Variants in MRPS5 observed in about 807,000 individuals in gnomAD.
The protein encoded by MRPS5 is mitochondrial ribosomal protein S5.
Under a neutral mutation model 51.9 loss-of-function variants are expected in MRPS5, and 27 were observed. That is an observed-to-expected ratio of 0.52 (90% CI 0.38 to 0.72). The LOEUF is 0.72. Among genes scored for constraint, MRPS5 ranks in the 30% least tolerant of loss-of-function variants. The probability of loss-of-function intolerance (pLI) is 0.00; values close to 1 mark genes in which losing one functional copy is unlikely to be tolerated. For missense variants in MRPS5, 570 were observed against 545.7 expected, an observed-to-expected ratio of 1.04 and a Z score of -0.44; for synonymous variants, 196 against 193.2, an observed-to-expected ratio of 1.01 and a Z score of -0.12.
In MRPS5 at chr2:95,121,775, C is replaced by T. The variant is rs915780533; in HGVS notation, c.17G>A (p.Arg6His). ...CAGCACGGGGAGGCAGCCCACAGCGCGCACCGCGGTCGCCATGCTGGAGTC... is the reference window on the plus strand; with the variant it reads ...CAGCACGGGGAGGCAGCCCACAGCGTGCACCGCGGTCGCCATGCTGGAGTC... MATAV[R>H]AVGCLPVLCS... Residue 6 changes from arginine (R) to histidine (H), a missense_variant, in exon 1 of 12, where the codon CGC becomes CAC. Transcript: ENST00000272418. The T allele has an allele frequency of 3.2e-6, 5 of 1,552,572 alleles. No individual in the cohort carries two copies. Among genetic ancestry groups the T allele is most frequent in the Non-Finnish European group, 3.5e-6 (4 of 1,158,588 alleles).
chr2:95,105,197 A>G (rs1675913582), intron 6 of MRPS5, among the ~76,000 whole-genome samples: 1 of 152,228 alleles, frequency 6.6e-6, no homozygotes, highest in African/African-American at 2.4e-5. Flanking sequence ...CCTCTACGCT[A>G]AGGATTAACA....
intron 1 of MRPS5, among the ~76,000 whole-genome samples, chr2:95,118,876 G>A (rs2104432819): frequency 6.6e-6 from 1 of 152,264 alleles, no homozygotes; most frequent in South Asian, 2.1e-4. Flanking sequence ...TTATAGGTAA[G>A]AGCTAAAACG....
rs115759609 is a variant in MRPS5 at position 95,087,662 on chromosome 2, C to T, written c.1069-81G>A. The T allele has an allele frequency of 1.3e-3, 1,530 of 1,206,464 alleles. 13 individuals carry two copies. The African/African-American group carries it at 0.019, about 15-fold the overall frequency. 74.7% of individuals were successfully genotyped at this position (1,206,464 alleles called of 1,614,324 possible). A position where few individuals can be genotyped will look rare whatever the true frequency, so the allele number is the denominator to read the frequency against. ...GAGCAGGAACTTCCACAGGCCACAACAGTACAGCCTGGGGGTATTCAAAGG... is the reference window on the plus strand; with the variant it reads ...GAGCAGGAACTTCCACAGGCCACAATAGTACAGCCTGGGGGTATTCAAAGG... On this transcript the variant is annotated intron_variant, in intron 11 of 11. Coordinates refer to ENST00000272418, the MANE Select transcript of MRPS5 (RefSeq NM_031902.5).
intron 7 of MRPS5, among the ~76,000 whole-genome samples, chr2:95,103,465 G>C (rs930683147): frequency 6.6e-6 from 1 of 152,236 alleles, no homozygotes; most frequent in Non-Finnish European, 1.5e-5. Context: ...GCAAGGGTGA[G>C]ATGGTGTAGA....
chr2:95,119,022 T>C (rs1209870291), intron 1 of MRPS5, among the ~76,000 whole-genome samples: 3 of 152,060 alleles, frequency 2.0e-5, no homozygotes, highest in Non-Finnish European at 2.9e-5. Flanking sequence ...AATTTAAAAC[T>C]TGTGGCTTCA....
chr2:95,120,478 G>C (rs1467317272), intron 1 of MRPS5, among the ~76,000 whole-genome samples: 1 of 152,184 alleles, frequency 6.6e-6, no homozygotes, highest in Non-Finnish European at 1.5e-5. Context: ...AAAGGTACAG[G>C]TTTTCTTTTT....
At chr2:95,120,154 C>T (rs1344926756) in intron 1 of MRPS5, among the ~76,000 whole-genome samples, 1 of 152,164 alleles carries the variant, frequency 6.6e-6, no homozygotes, top group African/African-American at 2.4e-5. Flanking sequence ...AAACATTGCA[C>T]ACAAATGTTT....
intron 11 of MRPS5, 127 bp from the exon 12 acceptor site, chr2:95,087,708 T>A: frequency 1.3e-6 from 1 of 776,502 alleles, no homozygotes; most frequent in Non-Finnish European, 2.1e-6. Flanking sequence ...GGATTTGGGT[T>A]AATGTGTTTT....
At chr2:95,094,814 T>G (rs1163747896) in intron 10 of MRPS5, among the ~76,000 whole-genome samples, 1 of 152,162 alleles carries the variant, frequency 6.6e-6, no homozygotes, top group Non-Finnish European at 1.5e-5. Context: ...AGGAAGAAAC[T>G]GCATCAACTA....
intron 4 of MRPS5, 146 bp downstream of exon 4, chr2:95,109,770 A>G (rs1375683015): frequency 1.0e-5 from 9 of 869,304 alleles, no homozygotes; most frequent in Non-Finnish European, 1.4e-5. Flanking sequence ...TGGGGCAATG[A>G]GTAAGTCAAC....
Position 95,086,957 on chromosome 2 carries a change from T to C in MRPS5, c.*400A>G, listed in dbSNP as rs1675308227. ...ACGGTTTGGAAGTTCCTCACGGTAG[T>C]CAAGTTACTTAACTGCTCTGTAAAA... is the stretch of plus-strand genomic sequence containing the variant. On this transcript the variant is annotated 3_prime_UTR_variant, in exon 12 of 12. Transcript: ENST00000272418. Among the ~76,000 whole-genome samples the C allele has an allele frequency of 9.9e-5, 15 of 152,206 alleles. No homozygotes were observed. The highest frequency in any genetic ancestry group is 9.8e-4 in the Admixed American group (15 of 15,288).
chr2:95,097,155 G>A (rs530571725), intron 10 of MRPS5, among the ~76,000 whole-genome samples: 4 of 152,178 alleles, frequency 2.6e-5, no homozygotes, highest in South Asian at 2.1e-4. Context: ...CCTCTTCAAG[G>A]AGAACTGCAA....
chr2:95,118,275 C>T (rs1676347373), intron 1 of MRPS5, among the ~76,000 whole-genome samples: 1 of 152,220 alleles, frequency 6.6e-6, no homozygotes, highest in South Asian at 2.1e-4. Context: ...GCAGGTTTCC[C>T]AATTTCAATC....
intron 3 of MRPS5, among the ~76,000 whole-genome samples, chr2:95,111,663 C>T (rs1478374331): frequency 1.3e-5 from 2 of 152,072 alleles, no homozygotes; most frequent in African/African-American, 4.8e-5. Context: ...TTTTAAAAAT[C>T]TGGAAAATAC....
Position 95,104,873 on chromosome 2 carries a change from A to G in MRPS5, c.673-143T>C. 7.6e-6 allele frequency: 5 copies of G among 654,080 alleles called. No individual in the cohort carries two copies. In the South Asian group the frequency reaches 9.4e-5, roughly 12 times the overall value. The allele number at this position is 654,080 out of a possible 1,614,324, so 40.5% of individuals were successfully genotyped here. ...ACACCATCCTCCAACTCCTGAGCAC[A>G]AGTAACAGCCTTTTTCCAAACAAAA... On this transcript the variant is annotated intron_variant, in intron 6 of 11. Transcript: ENST00000272418.
rs774864075 is a variant in MRPS5, at chr2:95,104,727, T to C, written c.676A>G (p.Arg226Gly). The part of the protein sequence containing the change: ...EDFDTRILEV[R>G]NVFTMTAKEG... ...TTCGCAGTCATAGTGAAAACGTTTCTTACCTAAAAGGCAAAATGTCTCATA... is the reference window on the plus strand; with the variant it reads ...TTCGCAGTCATAGTGAAAACGTTTCCTACCTAAAAGGCAAAATGTCTCATA... Residue 226 changes from arginine (R) to glycine (G), a missense_variant, in exon 7 of 12, where the codon AGA becomes GGA. By Grantham distance (125) the Arg-to-Gly change is moderately radical (BLOSUM62 -2). Coordinates refer to ENST00000272418, the MANE Select transcript of MRPS5 (RefSeq NM_031902.5). 1.2e-6 allele frequency: 2 copies of C among 1,613,824 alleles called. No homozygotes were observed. Among genetic ancestry groups the C allele is most frequent in the Non-Finnish European group, 8.5e-7 (1 of 1,179,850 alleles).
At chr2:95,108,548 A>G (rs185376415) in intron 4 of MRPS5, 140 bp from the exon 5 acceptor site, 1 of 704,566 alleles carries the variant, frequency 1.4e-6, no homozygotes, top group East Asian at 2.7e-5. Flanking sequence ...TTGGTAGGTC[A>G]CTTGGCACAA....
intron 10 of MRPS5, among the ~76,000 whole-genome samples, chr2:95,097,988 A>C (rs988460526): frequency 6.6e-6 from 1 of 152,248 alleles, no homozygotes; most frequent in African/African-American, 2.4e-5. Context: ...CAAAGAACTC[A>C]AACAAATTTA....
Position 95,101,728 on chromosome 2 carries a change from A to G in MRPS5, c.764-5T>C. On this transcript the variant is annotated splice_region_variant and splice_polypyrimidine_tract_variant and intron_variant, in intron 7 of 11. Transcript: ENST00000272418. ...TAGCTTTCCCAATAGAAAAACCTTT[A>G]AACAAAAAAGCAAAAATAAGAAAAG... 1 of 1,594,116 alleles carries G rather than the reference A, an allele frequency of 6.3e-7. No homozygotes were observed. Among genetic ancestry groups the G allele is most frequent in the Non-Finnish European group, 8.5e-7 (1 of 1,174,176 alleles).
Sources: allele counts gnomAD v4.1 joint callset (sites outside exome capture counted in the v4.1 genomes callset), GRCh38; gene constraint gnomAD v4.1.1; transcripts MANE v1.5; gene names NCBI Gene and HGNC (gene_info 2026-07-23, HGNC 2026-07-21).